Variants in ADAMTS3 observed in about 807,000 individuals in gnomAD.
ADAMTS3 encodes the protein ADAM metallopeptidase with thrombospondin type 1 motif 3, also known as A disintegrin and metalloproteinase with thrombospondin motifs 3.
Under a neutral mutation model 129.0 loss-of-function variants are expected in ADAMTS3, and 73 were observed. That is an observed-to-expected ratio of 0.57 (90% confidence interval 0.47 to 0.69). The LOEUF is 0.69. Among genes scored for constraint, ADAMTS3 ranks in the 30% least tolerant of loss-of-function variants. The probability of loss-of-function intolerance (pLI) is 0.00; values close to 1 mark genes in which losing one functional copy is unlikely to be tolerated. For synonymous variants in ADAMTS3, 477 were observed against 510.8 expected, an observed-to-expected ratio of 0.93 and a Z score of 0.89; for missense variants, 1,457 against 1,514.5, an observed-to-expected ratio of 0.96 and a Z score of 0.63.
intron 4 of ADAMTS3, among the ~76,000 whole-genome samples, chr4:72,364,343 A>G (rs1490428154): frequency 1.3e-5 from 2 of 152,196 alleles, no homozygotes; most frequent in Non-Finnish European, 2.9e-5. Context: ...AGCCAGATGC[A>G]GTGGCTCACG....
chr4:72,321,996 A>G (rs1022669345), intron 6 of ADAMTS3, among the ~76,000 whole-genome samples: 1 of 152,192 alleles, frequency 6.6e-6, no homozygotes, highest in Non-Finnish European at 1.5e-5. Flanking sequence ...GGAACCAAAA[A>G]TTAGTCCCTA....
intron 3 of ADAMTS3, among the ~76,000 whole-genome samples, chr4:72,524,022 A>G (rs1720743053): frequency 6.6e-6 from 1 of 152,170 alleles, no homozygotes; most frequent in African/African-American, 2.4e-5. Flanking sequence ...TTAGGTTTTA[A>G]CTGCCAAAAA....
intron 3 of ADAMTS3, among the ~76,000 whole-genome samples, chr4:72,425,036 T>C (rs987550988): frequency 3.3e-5 from 5 of 152,158 alleles, no homozygotes; most frequent in Admixed American, 6.6e-5. Context: ...TATTTCAAGC[T>C]AAAGCTACAA....
At chr4:72,354,349 C>T (rs1472485411) in intron 4 of ADAMTS3, among the ~76,000 whole-genome samples, 1 of 151,858 alleles carries the variant, frequency 6.6e-6, no homozygotes, top group East Asian at 1.9e-4. Flanking sequence ...AGATTTTTTC[C>T]CTTCTTTCTA....
intron 12 of ADAMTS3, 24 bp downstream of exon 12, chr4:72,313,653 C>T: frequency 6.2e-7 from 1 of 1,608,184 alleles, no homozygotes; most frequent in Non-Finnish European, 8.5e-7. Flanking sequence ...CCAAAAATAA[C>T]AAGAGTTACA....
chr4:72,407,026 C>A (rs568579965), intron 4 of ADAMTS3, among the ~76,000 whole-genome samples: 306 of 152,082 alleles, frequency 2.0e-3, no homozygotes, highest in Non-Finnish European at 3.4e-3. Context: ...TGTTGGGTCA[C>A]CAAAGAGAAA....
chr4:72,283,698 G>A lies in ADAMTS3; in HGVS notation c.3056C>T (p.Pro1019Leu). ...GAATATGGACTTGTCTCCCAAACAT[G>A]GTTCATCTGCAAAAATAAAAAGAAA... ...ACQLPPCNDEPCLGDKSIFCQ... is the reference protein window; with the variant it reads ...ACQLPPCNDELCLGDKSIFCQ... Residue 1019 changes from proline (P) to leucine (L), a missense_variant, in exon 22 of 22, where the codon CCA (proline) becomes CTA (leucine). By Grantham distance (98) the Pro-to-Leu change is moderately conservative. Transcript: ENST00000286657. 9 of 1,543,406 alleles carry A rather than the reference G, an allele frequency of 5.8e-6. No individual in the cohort carries two copies. The highest frequency in any genetic ancestry group is 2.4e-5 in the South Asian group (2 of 81,634).
chr4:72,560,234 C>A (rs373519161), intron 2 of ADAMTS3, among the ~76,000 whole-genome samples: 5 of 124,150 alleles, frequency 4.0e-5, no homozygotes, highest in South Asian at 2.6e-4. Context: ...AAAAAAAAAA[C>A]CTATAAAAAC....
At chr4:72,532,843 C>T (rs778388425) in intron 3 of ADAMTS3, among the ~76,000 whole-genome samples, 8 of 151,954 alleles carry the variant, frequency 5.3e-5, no homozygotes, top group African/African-American at 9.7e-5. Context: ...GGTAAAAATA[C>T]GGTATAAAAG....
intron 3 of ADAMTS3, among the ~76,000 whole-genome samples, chr4:72,482,342 C>CAA (rs1719460859): frequency 3.3e-5 from 5 of 151,794 alleles, no homozygotes; most frequent in Non-Finnish European, 7.4e-5. Context: ...AATGAACAAA[C>CAA]TATTGATGCA....
Position 72,326,875 on chromosome 4 carries a change from A to C in ADAMTS3, c.862-3778T>G, listed in dbSNP as rs151111594. ...ATCAATAAAATTACTGGGAAAAATCATTTAAAAGCTATTTCCAGCAGATGG... is the reference window on the plus strand; with the variant it reads ...ATCAATAAAATTACTGGGAAAAATCCTTTAAAAGCTATTTCCAGCAGATGG... On this transcript the variant is annotated intron_variant, in intron 5 of 21. Coordinates refer to ENST00000286657, the MANE Select transcript of ADAMTS3 (RefSeq NM_014243.3). 6.4e-3 allele frequency among the ~76,000 whole-genome samples: 968 copies of C among 152,276 alleles called. 7 individuals are homozygous for C. The highest frequency in any genetic ancestry group is 0.022 in the African/African-American group (921 of 41,566).
intron 4 of ADAMTS3, among the ~76,000 whole-genome samples, chr4:72,379,453 A>C (rs200754807): frequency 2.2e-5 from 3 of 136,788 alleles, no homozygotes; most frequent in East Asian, 2.1e-4. Context: ...AAAAAAAAAA[A>C]CCCATTTTGG....
At chr4:72,426,580 C>T (rs983300134) in intron 3 of ADAMTS3, among the ~76,000 whole-genome samples, 1 of 152,030 alleles carries the variant, frequency 6.6e-6, no homozygotes, top group African/African-American at 2.4e-5. Context: ...AATCAAACAA[C>T]AATATAACAA....
intron 3 of ADAMTS3, among the ~76,000 whole-genome samples, chr4:72,464,353 C>T (rs936658138): frequency 6.6e-6 from 1 of 151,972 alleles, no homozygotes; most frequent in African/African-American, 2.4e-5. Context: ...TTTCTCTAGC[C>T]TAGTGGATAG....
intron 4 of ADAMTS3, among the ~76,000 whole-genome samples, chr4:72,352,190 T>C (rs148505216): frequency 3.3e-5 from 5 of 152,148 alleles, no homozygotes; most frequent in African/African-American, 1.2e-4. Flanking sequence ...CCGGATGTAG[T>C]GAGAACACTT....
intron 4 of ADAMTS3, among the ~76,000 whole-genome samples, chr4:72,406,398 G>GT (rs942853006): frequency 7.2e-5 from 11 of 151,950 alleles, no homozygotes; most frequent in African/African-American, 2.4e-4. Context: ...ACTTTTTCCT[G>GT]TTTTTTTCTT....
intron 3 of ADAMTS3, among the ~76,000 whole-genome samples, chr4:72,443,970 A>G (rs927342059): frequency 5.9e-5 from 9 of 151,714 alleles, no homozygotes; most frequent in East Asian, 2.0e-4. Flanking sequence ...TATGGGGCCA[A>G]AATAAACAGA....
intron 3 of ADAMTS3, among the ~76,000 whole-genome samples, chr4:72,431,147 C>A (rs568035140): frequency 6.6e-6 from 1 of 152,006 alleles, no homozygotes; most frequent in African/African-American, 2.4e-5. Flanking sequence ...AAGACACCCA[C>A]AGAGCATAAA....
intron 18 of ADAMTS3, among the ~76,000 whole-genome samples, chr4:72,296,094 T>C (rs970109032): frequency 1.4e-4 from 22 of 151,992 alleles, no homozygotes; most frequent in African/African-American, 5.1e-4. Flanking sequence ...CTTAGTGACA[T>C]AGGCTTTTAG....
Sources: allele counts gnomAD v4.1 joint callset (sites outside exome capture counted in the v4.1 genomes callset), GRCh38; gene constraint gnomAD v4.1.1; transcripts MANE v1.5; gene names NCBI Gene and HGNC (gene_info 2026-07-23, HGNC 2026-07-21).